The following SLC12A3 variants were observed in gnomAD, a reference collection of about 807,000 sequenced individuals.
The protein encoded by SLC12A3 is solute carrier family 12 member 3.
Under a neutral mutation model 121.0 loss-of-function variants are expected in SLC12A3, and 104 were observed. That is an observed-to-expected ratio of 0.86 (90% CI 0.73 to 1.01). The LOEUF is 1.01. Among genes scored for constraint, SLC12A3 ranks in the 50% least tolerant of loss-of-function variants. SLC12A3 has a pLI of 0.00. For synonymous variants in SLC12A3, 536 were observed against 533.4 expected (o/e 1.00, Z -0.07); for missense variants, 1,328 against 1,356.3 (o/e 0.98, Z 0.33).
chr16:56,897,566 A>C (rs1211604513), intron 22 of SLC12A3, among the ~76,000 whole-genome samples: 1 of 152,208 alleles, frequency 6.6e-6, no homozygotes, highest in Non-Finnish European at 1.5e-5. Context: ...AATGCTAAGG[A>C]AAGTGTTGCT....
At chr16:56,893,449 A>G (rs1195618668) in intron 21 of SLC12A3, among the ~76,000 whole-genome samples, 2 of 152,252 alleles carry the variant, frequency 1.3e-5, no homozygotes, top group African/African-American at 4.8e-5. Context: ...ATAGAGTCAC[A>G]GATAGAAAGA....
At position 56,879,567 on chromosome 16, in the gene SLC12A3, C is replaced by A. The variant is rs368783800; in HGVS notation, c.1361C>A (p.Ala454Glu). 6.2e-7 allele frequency: 1 copy of A among 1,613,764 alleles called. No individual in the cohort carries two copies. Among genetic ancestry groups the A allele is most frequent in the South Asian group, 1.1e-5 (1 of 91,076 alleles). Residue 454 changes from alanine to glutamate, a missense_variant, in exon 11 of 26, where the codon GCG becomes GAG. Physicochemically the swap from Ala to Glu is moderately radical, Grantham distance 107. Coordinates refer to ENST00000563236, the MANE Select transcript of SLC12A3 (RefSeq NM_001126108.2). Reference protein sequence around the residue: ...YQTMSMVSGFAPLITAGIFGA... With the variant: ...YQTMSMVSGFEPLITAGIFGA... Reference sequence around the variant, plus strand: ...ACCATGAGCATGGTGTCAGGCTTCGCGCCCCTGATCACGGCTGGCATCTTC... The same window carrying A: ...ACCATGAGCATGGTGTCAGGCTTCGAGCCCCTGATCACGGCTGGCATCTTC...
Position 56,870,628 on chromosome 16 carries a change from G to T in SLC12A3, c.744G>T (p.Glu248Asp), listed in dbSNP as rs753403903. ...FAETVRDLLQ[E>D]YGAPIVDPIN... ...CCTGGCCCATTTTCCCTCCCCAGGA[G>T]TATGGGGCACCCATCGTGGACCCCA... Residue 248 changes from glutamate to aspartate, a missense_variant and splice_region_variant, in exon 6 of 26, where the codon GAG (glutamate) becomes GAT (aspartate). Glu to Asp is a conservative substitution (Grantham distance 45). Coordinates refer to ENST00000563236, the MANE Select transcript of SLC12A3 (RefSeq NM_001126108.2). 15 of 1,596,808 alleles carry T rather than the reference G, an allele frequency of 9.4e-6. No individual in the cohort carries two copies. The Admixed American group carries it at 2.2e-4, about 23-fold the overall frequency.
Position 56,915,596 on chromosome 16 carries a change from G to A in SLC12A3, c.*2191G>A, listed in dbSNP as rs541492307. ...GGGATAATTCTTAACTCGAAATAAG[G>A]GGAAGCATCCATCAGGGAATGCTGG... is the stretch of plus-strand genomic sequence containing the variant. On this transcript the variant is annotated 3_prime_UTR_variant, in exon 26 of 26. Coordinates refer to ENST00000563236, the MANE Select transcript of SLC12A3 (RefSeq NM_001126108.2). 1.3e-5 allele frequency: 2 copies of A among 152,306 alleles called. No individual in the cohort carries two copies. The highest frequency in any genetic ancestry group is 4.1e-4 in the South Asian group (2 of 4,832). 9.4% of individuals were successfully genotyped at this position (152,306 alleles called of 1,614,324 possible). A position where few individuals can be genotyped will look rare whatever the true frequency, so the allele number is the denominator to read the frequency against.
chr16:56,883,193 TATC>T (rs1291190560), intron 13 of SLC12A3, among the ~76,000 whole-genome samples: 2 of 152,030 alleles, frequency 1.3e-5, no homozygotes, highest in Non-Finnish European at 2.9e-5. Context: ...GCACCATTCA[TATC>T]ATAGATTTCA....
At chr16:56,896,553 G>A (rs1232594080) in intron 22 of SLC12A3, among the ~76,000 whole-genome samples, 8 of 152,184 alleles carry the variant, frequency 5.3e-5, no homozygotes, top group Middle Eastern at 3.4e-3. Context: ...TTGAGACCAG[G>A]CTGGGCAACA....
chr16:56,889,320 G>A (rs1050506865), intron 18 of SLC12A3, among the ~76,000 whole-genome samples: 2 of 152,200 alleles, frequency 1.3e-5, no homozygotes, highest in Admixed American at 6.5e-5. Flanking sequence ...GGGCCTGAAA[G>A]TTCCTTGTCC....
Position 56,879,589 on chromosome 16 carries a change from C to T in SLC12A3, c.1383C>T (p.Ile461=). Residue 461 remains isoleucine (I), a synonymous_variant, in exon 11 of 26, where the codon ATC becomes ATT. Transcript: ENST00000563236. ...SGFAPLITAG[I]FGATLSSALA... Reference sequence around the variant, plus strand: ...TCGCGCCCCTGATCACGGCTGGCATCTTCGGGGCCACCCTCTCCTCTGCCC... The same window carrying T: ...TCGCGCCCCTGATCACGGCTGGCATTTTCGGGGCCACCCTCTCCTCTGCCC... 1 of 1,613,850 alleles carries T rather than the reference C, an allele frequency of 6.2e-7. No individual in the cohort carries two copies. The highest frequency in any genetic ancestry group is 8.5e-7 in the Non-Finnish European group (1 of 1,179,990).
At chr16:56,891,286 C>T (rs1043778238) in intron 19 of SLC12A3, among the ~76,000 whole-genome samples, 1 of 146,092 alleles carries the variant, frequency 6.8e-6, no homozygotes, top group Non-Finnish European at 1.5e-5. Flanking sequence ...ATGGGAGGAT[C>T]GCTTGAGGCC....
At chr16:56,902,153 G>A (rs2055546546) in intron 23 of SLC12A3, 1 of 595,218 alleles carries the variant, frequency 1.7e-6, no homozygotes, top group Non-Finnish European at 3.0e-6. Context: ...TGGGTCACAG[G>A]TCAGTGGTTG....
chr16:56,891,400 A>T (rs2055387121), intron 19 of SLC12A3, among the ~76,000 whole-genome samples: 1 of 148,692 alleles, frequency 6.7e-6, no homozygotes. Context: ...AAAAGGAAAT[A>T]TCTAGAGGTG....
intron 23 of SLC12A3, among the ~76,000 whole-genome samples, chr16:56,901,707 T>A (rs1208091845): frequency 4.6e-5 from 7 of 152,096 alleles, no homozygotes; most frequent in Non-Finnish European, 2.9e-5. Flanking sequence ...CAGCTTCTGG[T>A]CTCACTTGGG....
intron 15 of SLC12A3, among the ~76,000 whole-genome samples, chr16:56,886,147 C>A (rs1464765154): frequency 6.6e-6 from 1 of 152,120 alleles, no homozygotes; most frequent in Non-Finnish European, 1.5e-5. Flanking sequence ...GTGGCCTGAG[C>A]AGGAAGGACC....
At chr16:56,879,779 G>A in intron 11 of SLC12A3, 130 bp downstream of exon 11, 4 of 724,998 alleles carry the variant, frequency 5.5e-6, no homozygotes, top group Non-Finnish European at 9.5e-6. Flanking sequence ...CTAGCCAGAA[G>A]GGAAAAGGAG....
At chr16:56,913,179 C>T (rs1438758516) in intron 25 of SLC12A3, 85 bp from the exon 26 acceptor site, 38 of 1,575,172 alleles carry the variant, frequency 2.4e-5, no homozygotes, top group African/African-American at 2.0e-4. Context: ...TAAACAGACT[C>T]GCTGTTCTGA....
intron 25 of SLC12A3, among the ~76,000 whole-genome samples, chr16:56,911,569 C>T (rs1480013515): frequency 6.6e-6 from 1 of 152,196 alleles, no homozygotes; most frequent in African/African-American, 2.4e-5. Flanking sequence ...AAGTGATCTG[C>T]CCACCTCGGC....
chr16:56,877,140 C>T (rs2055173880), intron 8 of SLC12A3, among the ~76,000 whole-genome samples: 1 of 152,178 alleles, frequency 6.6e-6, no homozygotes, highest in Non-Finnish European at 1.5e-5. Context: ...GCCTGTAATC[C>T]CAGCACTTTG....
chr16:56,874,326 G>A (rs1484034328), intron 8 of SLC12A3, among the ~76,000 whole-genome samples: 2 of 152,232 alleles, frequency 1.3e-5, no homozygotes, highest in African/African-American at 2.4e-5. Flanking sequence ...TGCAGGAGGC[G>A]CCAGAGCTGG....
chr16:56,870,117 C>T lies in SLC12A3; in HGVS notation c.623C>T (p.Ser208Phe), dbSNP rs1231220932. The change falls in exon 5 of 26, where the codon TCC becomes TTC. Residue 208 changes from serine (S) to phenylalanine (F), a missense_variant. Coordinates refer to ENST00000563236, the MANE Select transcript of SLC12A3 (RefSeq NM_001126108.2). ...ATAGGTGGCACCTACTTCCTCATCT[C>T]CCGGAGTCTGGGCCCAGAGCTTGGG... ...VKSGGTYFLI[S>F]RSLGPELGGS... The T allele has an allele frequency of 1.9e-6, 3 of 1,613,772 alleles. No individual in the cohort carries two copies. Among genetic ancestry groups the T allele is most frequent in the South Asian group, 2.2e-5 (2 of 91,088 alleles).
Sources: allele counts gnomAD v4.1 joint callset (sites outside exome capture counted in the v4.1 genomes callset), GRCh38; gene constraint gnomAD v4.1.1; transcripts MANE v1.5; gene names NCBI Gene and HGNC (gene_info 2026-07-23, HGNC 2026-07-21).